Variants in NEK10 observed in about 807,000 individuals in gnomAD.
NEK10 encodes serine/threonine-protein kinase Nek10.
A neutral mutation model predicts 159.8 loss-of-function variants in NEK10; 122 were observed. The observed-to-expected ratio is 0.76, with a 90% CI of 0.66 to 0.89. The LOEUF (loss-of-function observed/expected upper bound fraction) is 0.89, where lower values mean the gene tolerates loss of function less well. Ranked by LOEUF, NEK10 falls within the 40% of genes least tolerant of loss-of-function variation. The pLI, the probability that NEK10 is intolerant of heterozygous loss-of-function variation, is 0.00. For missense variants in NEK10, 1,342 were observed against 1,323.1 expected, an observed-to-expected ratio of 1.01 and a Z score of -0.22; for synonymous variants, 466 against 457.1, an observed-to-expected ratio of 1.02 and a Z score of -0.25.
chr3:27,156,044 AC>A (rs1226137276), intron 30 of NEK10, among the ~76,000 whole-genome samples: 1 of 152,082 alleles, frequency 6.6e-6, no homozygotes, highest in African/African-American at 2.4e-5. Context: ...GGGAAAGGAC[AC>A]CCTTTTCAAC....
At chr3:27,343,065 C>T (rs2047310864) in intron 5 of NEK10, among the ~76,000 whole-genome samples, 2 of 152,072 alleles carry the variant, frequency 1.3e-5, no homozygotes, top group South Asian at 4.1e-4. Context: ...AATTACATAA[C>T]CTTGGTAAAG....
intron 29 of NEK10, among the ~76,000 whole-genome samples, chr3:27,167,817 C>T (rs1473228151): frequency 6.6e-6 from 1 of 152,116 alleles, no homozygotes; most frequent in Non-Finnish European, 1.5e-5. Context: ...GCTTGGATTC[C>T]GAGGTGCCTT....
chr3:27,244,599 C>G (rs142800350), intron 23 of NEK10, among the ~76,000 whole-genome samples: 5 of 152,230 alleles, frequency 3.3e-5, no homozygotes, highest in Non-Finnish European at 5.9e-5. Flanking sequence ...ACCAGTAGAG[C>G]CTATCCCAAC....
chr3:27,254,470 T>C (rs1278729957), intron 23 of NEK10, among the ~76,000 whole-genome samples: 5 of 152,196 alleles, frequency 3.3e-5, no homozygotes, highest in African/African-American at 1.2e-4. Flanking sequence ...GATTCTGCTT[T>C]TGGAGAATCC....
chr3:27,295,648 T>G lies in NEK10; in HGVS notation c.1273A>C (p.Lys425Gln). Residue 425 changes from lysine to glutamine, a missense_variant, in exon 15 of 36, where the codon AAG (lysine) becomes CAG (glutamine). Transcript: ENST00000691995. ...TTACTTTTTGCTGCATTCTTTTGCT[T>G]ATTTGGTAAAATTAATTTTGCTATT... ...YTIAKLILPN[K>Q]QKNAAKSNLL... 2 of 1,567,884 alleles carry G rather than the reference T, an allele frequency of 1.3e-6. No homozygotes were observed. Among genetic ancestry groups the G allele is most frequent in the Non-Finnish European group, 8.7e-7 (1 of 1,153,814 alleles).
At chr3:27,189,205 T>A (rs1046719785) in intron 26 of NEK10, among the ~76,000 whole-genome samples, 2 of 152,116 alleles carry the variant, frequency 1.3e-5, no homozygotes, top group Non-Finnish European at 2.9e-5. Flanking sequence ...TAGAGTGAAC[T>A]TTTTAGTGAA....
chr3:27,184,396 C>T (rs1948419510), intron 26 of NEK10, among the ~76,000 whole-genome samples: 1 of 152,168 alleles, frequency 6.6e-6, no homozygotes, highest in Non-Finnish European at 1.5e-5. Context: ...AATCACCAGT[C>T]TACGTCCTGG....
At chr3:27,114,216 G>C (rs1940033929) in intron 35 of NEK10, among the ~76,000 whole-genome samples, 2 of 152,108 alleles carry the variant, frequency 1.3e-5, no homozygotes, top group Admixed American at 6.6e-5. Context: ...CCAGAAATGA[G>C]AAATATCCAA....
chr3:27,191,260 T>C (rs561831475), intron 26 of NEK10, among the ~76,000 whole-genome samples: 18 of 152,174 alleles, frequency 1.2e-4, no homozygotes, highest in South Asian at 1.0e-3. Flanking sequence ...AGAAAGAGTT[T>C]TATGATCCAA....
chr3:27,190,477 A>T (rs1949014709), intron 26 of NEK10, among the ~76,000 whole-genome samples: 1 of 152,148 alleles, frequency 6.6e-6, no homozygotes, highest in Admixed American at 6.5e-5. Flanking sequence ...TAAACGTTTG[A>T]AGTTTTCCAT....
intron 25 of NEK10, among the ~76,000 whole-genome samples, chr3:27,199,255 C>A (rs1949833301): frequency 6.6e-6 from 1 of 151,912 alleles, no homozygotes. Context: ...GGAACTTAAG[C>A]AAATTTACAA....
intron 22 of NEK10, among the ~76,000 whole-genome samples, chr3:27,273,574 C>G (rs577667569): frequency 1.1e-3 from 164 of 152,260 alleles, no homozygotes; most frequent in African/African-American, 3.8e-3. Flanking sequence ...GGTGGTTGTT[C>G]CTTTTCTTCA....
At chr3:27,174,157 G>A (rs1347707281) in intron 28 of NEK10, among the ~76,000 whole-genome samples, 1 of 152,102 alleles carries the variant, frequency 6.6e-6, no homozygotes, top group Non-Finnish European at 1.5e-5. Flanking sequence ...TGGTTATTTG[G>A]CTGTCTCCAA....
intron 32 of NEK10, among the ~76,000 whole-genome samples, chr3:27,122,159 T>C (rs75073284): frequency 0.019 from 2,897 of 152,158 alleles, 86 homozygotes; most frequent in African/African-American, 0.065. Flanking sequence ...CCCCATGCTG[T>C]TGTCATGATA....
intron 31 of NEK10, among the ~76,000 whole-genome samples, chr3:27,138,383 C>T (rs143779702): frequency 1.4e-3 from 215 of 152,336 alleles, no homozygotes; most frequent in African/African-American, 5.0e-3. Flanking sequence ...TCCAGTATAG[C>T]ACCTTACTAA....
Position 27,344,309 on chromosome 3 carries a change from T to C in NEK10, c.325A>G (p.Ile109Val), listed in dbSNP as rs1393569124. The C allele has an allele frequency of 6.3e-7, 1 of 1,598,564 alleles. No individual in the cohort carries two copies. The highest frequency in any genetic ancestry group is 1.3e-5 in the African/African-American group (1 of 74,708). ...KHPQRKLFQE[I>V]FTALVKNRLI... ...CTATTTTTCACCAAGGCGGTAAAGA[T>C]CTCCTGAAATAGTTTACGCTGAGGA... Residue 109 changes from isoleucine (I) to valine (V), a missense_variant, in exon 5 of 36, where the codon ATC (isoleucine) becomes GTC (valine). Physicochemically the swap from Ile to Val is conservative, Grantham distance 29. Coordinates refer to ENST00000691995, the MANE Select transcript of NEK10 (RefSeq NM_001394966.1).
intron 23 of NEK10, chr3:27,216,576 A>G (rs982694795): frequency 2.0e-5 from 3 of 152,202 alleles, no homozygotes; most frequent in Non-Finnish European, 4.4e-5. Context: ...CTCTTGGAAC[A>G]TTCCCTCTCA....
At chr3:27,153,251 C>T (rs181422691) in intron 30 of NEK10, among the ~76,000 whole-genome samples, 37 of 149,640 alleles carry the variant, frequency 2.5e-4, no homozygotes, top group African/African-American at 8.1e-4. Flanking sequence ...ACCTGGGAGG[C>T]GAAGCTTGCA....
At chr3:27,212,530 T>C (rs1271785536) in intron 23 of NEK10, among the ~76,000 whole-genome samples, 2 of 152,266 alleles carry the variant, frequency 1.3e-5, no homozygotes, top group Non-Finnish European at 2.9e-5. Context: ...TCCCATTTGC[T>C]GAGCAGATAC....
Sources: gnomAD v4.1 joint callset for allele counts (sites outside exome capture counted in the v4.1 genomes callset) on GRCh38, gnomAD v4.1.1 for gene constraint, MANE v1.5 for transcripts, NCBI Gene and HGNC (gene_info 2026-07-23, HGNC 2026-07-21) for gene names.